The following CLIP4 variants were observed in gnomAD, a reference collection of about 807,000 sequenced individuals.
The protein encoded by CLIP4 is CAP-Gly domain containing linker protein family member 4.
Under a neutral mutation model 73.1 loss-of-function variants are expected in CLIP4, and 47 were observed. The observed-to-expected ratio is 0.64, with a 90% CI of 0.51 to 0.82. The LOEUF is 0.82. CLIP4 is among the 40% of genes least tolerant of loss of function. CLIP4 has a pLI of 0.00. For synonymous variants in CLIP4, 306 were observed against 295.4 expected (o/e 1.04, Z -0.37); for missense variants, 874 against 852.9 (o/e 1.02, Z -0.31).
At chr2:29,130,922 A>T (rs1254465457) in intron 2 of CLIP4, 7 of 1,290,014 alleles carry the variant, frequency 5.4e-6, no homozygotes, top group Non-Finnish European at 5.0e-6. Context: ...AATAGAGGAA[A>T]GAAGATAGAC....
chr2:29,178,217 G>A (rs2148117577), intron 15 of CLIP4, among the ~76,000 whole-genome samples: 1 of 147,866 alleles, frequency 6.8e-6, no homozygotes, highest in African/African-American at 2.5e-5. Context: ...TTTCGCTCTT[G>A]TTGCCCAAGC....
intron 15 of CLIP4, among the ~76,000 whole-genome samples, chr2:29,175,983 G>A (rs574386652): frequency 1.3e-4 from 20 of 152,248 alleles, no homozygotes; most frequent in Middle Eastern, 3.4e-3. Flanking sequence ...GGATGGTCTC[G>A]ATCTCCTGAC....
intron 8 of CLIP4, among the ~76,000 whole-genome samples, chr2:29,145,782 A>G (rs947379554): frequency 6.6e-6 from 1 of 152,172 alleles, no homozygotes; most frequent in Non-Finnish European, 1.5e-5. Flanking sequence ...CCCAGGTTCA[A>G]GCGATTCTCC....
At chr2:29,177,958 C>T (rs556604863) in intron 15 of CLIP4, among the ~76,000 whole-genome samples, 8 of 152,196 alleles carry the variant, frequency 5.3e-5, no homozygotes, top group South Asian at 2.1e-4. Context: ...CTTATTAGAA[C>T]GTTAAGTGTT....
intron 1 of CLIP4, among the ~76,000 whole-genome samples, chr2:29,107,374 T>TGTTTTTTTTTTTTTTG (rs796702046): frequency 1.6e-5 from 2 of 122,394 alleles, no homozygotes; most frequent in African/African-American, 6.5e-5. Flanking sequence ...TTTTTTTTTT[T>TGTTTTTTTTTTTTTTG]TTTTTTTTTT....
Position 29,098,689 on chromosome 2 carries a change from G to A in CLIP4, c.-16+742G>A, listed in dbSNP as rs151010551. Among the ~76,000 whole-genome samples, 8 of 152,126 alleles carry A rather than the reference G, an allele frequency of 5.3e-5. No homozygotes were observed. The South Asian group carries it at 8.3e-4, about 16-fold the overall frequency. On this transcript the variant is annotated intron_variant, in intron 1 of 14. Transcript: ENST00000401605. ...TACTAACATTCACGTATCGGTTCTC[G>A]TGTGGACATAAGTTTTCATATCACT...
rs975356516 is a variant in CLIP4, at chr2:29,106,052, T to G, written c.-16+8105T>G. 4.0e-5 allele frequency among the ~76,000 whole-genome samples: 6 copies of G among 148,966 alleles called. No homozygotes were observed. The East Asian group carries it at 7.0e-4, about 17-fold the overall frequency. ...TTGCAAGGTATCATGGTTTAGCATT[T>G]AATCTTTTTTTTTTTTTTGAGACAG... On this transcript the variant is annotated intron_variant, in intron 1 of 14. Transcript: ENST00000401605.
chr2:29,172,005 C>G (rs909808693), intron 14 of CLIP4, among the ~76,000 whole-genome samples: 1 of 133,230 alleles, frequency 7.5e-6, no homozygotes, highest in Non-Finnish European at 1.7e-5. Flanking sequence ...TATTCCCACC[C>G]TCTGTTTTTT....
At chr2:29,143,625 T>C (rs938062849) in intron 6 of CLIP4, 84 bp from the exon 7 acceptor site, 4 of 909,580 alleles carry the variant, frequency 4.4e-6, no homozygotes, top group Non-Finnish European at 5.3e-6. Flanking sequence ...GAATTTAACG[T>C]AAAGTTCTTC....
chr2:29,160,199 A>G (rs1030970629), intron 11 of CLIP4, 134 bp from the exon 12 acceptor site: 3 of 1,096,898 alleles, frequency 2.7e-6, no homozygotes, highest in Non-Finnish European at 4.0e-6. Context: ...ATCAGATATC[A>G]AAATCACCAA....
chr2:29,180,355 T>C (rs1668575323), intron 15 of CLIP4, among the ~76,000 whole-genome samples: 1 of 152,184 alleles, frequency 6.6e-6, no homozygotes, highest in African/African-American at 2.4e-5. Context: ...CCTTGAGGCC[T>C]TGGATGAGTG....
At chr2:29,118,224 A>T (rs1443101491) in intron 1 of CLIP4, 1 of 152,332 alleles carries the variant, frequency 6.6e-6, no homozygotes, top group East Asian at 1.9e-4. Flanking sequence ...TCAAATCTGA[A>T]GTCTCCTGGC....
intron 2 of CLIP4, chr2:29,130,553 T>C: frequency 2.1e-6 from 2 of 957,324 alleles, no homozygotes; most frequent in Non-Finnish European, 2.6e-6. Flanking sequence ...CAGGTTTTCC[T>C]GAGCTGGGGG....
At chr2:29,114,884 G>A (rs1324749216), upstream of CLIP4, 2 of 152,290 alleles carry the variant, frequency 1.3e-5, no homozygotes, top group Admixed American at 6.5e-5. Flanking sequence ...GTCCAGTAAC[G>A]CTTTCTTGTT....
At chr2:29,143,652 T>C (rs1356040893) in intron 6 of CLIP4, 57 bp from the exon 7 acceptor site, 11 of 1,150,952 alleles carry the variant, frequency 9.6e-6, no homozygotes, top group Non-Finnish European at 1.4e-5. Context: ...AAATTTTATA[T>C]GACTTTCTAG....
intron 1 of CLIP4, among the ~76,000 whole-genome samples, chr2:29,119,822 G>A (rs932248837): frequency 1.3e-5 from 2 of 152,104 alleles, no homozygotes; most frequent in African/African-American, 2.4e-5. Flanking sequence ...ATGATTCTTA[G>A]AAGCTCCAAC....
At position 29,181,559 on chromosome 2, in the gene CLIP4, C is replaced by T; in HGVS notation, c.1797-13C>T. 1 of 1,526,944 alleles carries T rather than the reference C, an allele frequency of 6.5e-7. No individual in the cohort carries two copies. The highest frequency in any genetic ancestry group is 1.3e-5 in the South Asian group (1 of 77,816). 94.6% of individuals were successfully genotyped at this position (1,526,944 alleles called of 1,614,324 possible). On this transcript the variant is annotated splice_polypyrimidine_tract_variant and intron_variant, in intron 15 of 15. Transcript: ENST00000320081. ...GCACTAAATAATTTTTCCCACTTTTCCCTTCCGCACAGATCGAAAGCTGCT... is the reference window on the plus strand; with the variant it reads ...GCACTAAATAATTTTTCCCACTTTTTCCTTCCGCACAGATCGAAAGCTGCT...
Position 29,181,682 on chromosome 2 carries a change from A to G in CLIP4, c.1907A>G (p.Glu636Gly), listed in dbSNP as rs1423536892. 1 of 1,614,178 alleles carries G rather than the reference A, an allele frequency of 6.2e-7. No individual in the cohort carries two copies. The highest frequency in any genetic ancestry group is 1.7e-5 in the Admixed American group (1 of 60,022). ...GSQVLLTSSN[E>G]MGTVRYVGPT... ...CAGGTCCTGCTCACGAGCTCCAATG[A>G]GATGGGTACTGTTAGGTATGTGGGC... Residue 636 changes from glutamate (E) to glycine (G), a missense_variant, in exon 16 of 16, where the codon GAG becomes GGG. Transcript: ENST00000320081.
intron 14 of CLIP4, 132 bp downstream of exon 14, chr2:29,167,672 A>C: frequency 1.7e-6 from 1 of 582,280 alleles, no homozygotes; most frequent in Non-Finnish European, 2.8e-6. Flanking sequence ...ATAATAGAAC[A>C]AACATCTGTT....
Sources: allele counts gnomAD v4.1 joint callset (sites outside exome capture counted in the v4.1 genomes callset), GRCh38; gene constraint gnomAD v4.1.1; transcripts MANE v1.5; gene names NCBI Gene and HGNC (gene_info 2026-07-23, HGNC 2026-07-21).